Variants in NCOA1 observed in about 807,000 individuals in gnomAD.
NCOA1 encodes nuclear receptor coactivator 1, also known as Hin-2 protein.
NCOA1 carries 35 observed loss-of-function variants against 150.9 expected under a neutral mutation model. The observed-to-expected ratio is 0.23, with a 90% CI of 0.18 to 0.31. NCOA1 has a LOEUF of 0.31. Ranked by LOEUF, NCOA1 falls within the 10% of genes least tolerant of loss-of-function variation. The pLI is 1.00. For missense variants in NCOA1, 1,491 were observed against 1,749.3 expected (o/e 0.85, Z 2.63); for synonymous variants, 590 against 630.0 (o/e 0.94, Z 0.95).
At chr2:24,607,980 A>T (rs2148375079) in intron 3 of NCOA1, among the ~76,000 whole-genome samples, 1 of 152,176 alleles carries the variant, frequency 6.6e-6, no homozygotes, top group Non-Finnish European at 1.5e-5. Flanking sequence ...TATACCAAGA[A>T]CACAAAACAA....
At chr2:24,719,030 A>C (rs1407081012) in intron 14 of NCOA1, among the ~76,000 whole-genome samples, 1 of 127,136 alleles carries the variant, frequency 7.9e-6, no homozygotes, top group Non-Finnish European at 1.7e-5. Flanking sequence ...CTCTGTCCCA[A>C]AAAAAAAAAA....
In NCOA1 at chr2:24,762,376, CATAT is replaced by C. The variant is rs201929459; in HGVS notation, c.4066-307_4066-304del. ...GTGAATTAACTTTTTATTAAAGTAT[CATAT>C]ATAAGAATATAGAGAAAAGTGTACA... is the stretch of plus-strand genomic sequence containing the variant. On this transcript the variant is annotated intron_variant, in intron 21 of 22. Transcript: ENST00000348332. Among the ~76,000 whole-genome samples, 4 of 152,182 alleles carry C rather than the reference CATAT, an allele frequency of 2.6e-5. No individual in the cohort carries two copies. In the East Asian group the frequency reaches 7.7e-4, roughly 29 times the overall value.
chr2:24,706,481 A>T lies in NCOA1; in HGVS notation c.1098-87A>T, dbSNP rs1043351294. 1.3e-5 allele frequency: 18 copies of T among 1,386,628 alleles called. No individual in the cohort carries two copies. The African/African-American group carries it at 2.6e-4, about 20-fold the overall frequency. 85.9% of individuals were successfully genotyped at this position (1,386,628 alleles called of 1,614,324 possible). On this transcript the variant is annotated intron_variant, in intron 12 of 22. Transcript: ENST00000348332. ...ATAGCTTGCAATATTAATGAGATCA[A>T]TGGTCTTGTTTTAGAATATGTATCA...
At chr2:24,693,928 G>T (rs980694675) in intron 10 of NCOA1, among the ~76,000 whole-genome samples, 1 of 152,088 alleles carries the variant, frequency 6.6e-6, no homozygotes, top group Non-Finnish European at 1.5e-5. Context: ...GTCAGCAAAG[G>T]CCTGTCTGAG....
chr2:24,711,098 T>C lies in NCOA1; in HGVS notation c.2586T>C (p.Thr862=), dbSNP rs772920550. The C allele has an allele frequency of 6.2e-7, 1 of 1,613,622 alleles. No individual in the cohort carries two copies. The highest frequency in any genetic ancestry group is 1.1e-5 in the South Asian group (1 of 91,014). Residue 862 remains threonine, a synonymous_variant, in exon 14 of 23, where the codon ACT becomes ACC. Coordinates refer to ENST00000348332, the MANE Select transcript of NCOA1 (RefSeq NM_003743.5). The part of the protein sequence containing the change: ...ASLQSATARP[T]SRLNRLPELE... ...TTCAGTCCGCCACTGCCAGACCCAC[T>C]TCCAGGCTAAATAGTATGTTCTGGG...
chr2:24,559,921 G>C (rs571064297), intron 1 of NCOA1, among the ~76,000 whole-genome samples: 1 of 152,164 alleles, frequency 6.6e-6, no homozygotes, highest in Non-Finnish European at 1.5e-5. Context: ...ATTTTTGCCA[G>C]GACCTTTGGT....
intron 1 of NCOA1, among the ~76,000 whole-genome samples, chr2:24,561,630 T>C (rs2148254031): frequency 6.6e-6 from 1 of 152,284 alleles, no homozygotes; most frequent in Non-Finnish European, 1.5e-5. Flanking sequence ...AGTATGGATG[T>C]TCACTCAAAG....
intron 14 of NCOA1, among the ~76,000 whole-genome samples, chr2:24,712,501 A>G (rs539997431): frequency 1.5e-4 from 23 of 152,322 alleles, no homozygotes; most frequent in Admixed American, 3.9e-4. Flanking sequence ...CCCAGAAGAG[A>G]CAAGCCTGGC....
intron 1 of NCOA1, among the ~76,000 whole-genome samples, chr2:24,508,735 A>G (rs1663810134): frequency 6.6e-6 from 1 of 152,044 alleles, no homozygotes; most frequent in Non-Finnish European, 1.5e-5. Flanking sequence ...TGCCCTCTCT[A>G]TATCCTGTAA....
intron 9 of NCOA1, 72 bp downstream of exon 9, chr2:24,691,732 T>C (rs149209716): frequency 1.3e-6 from 2 of 1,492,954 alleles, no homozygotes; most frequent in Non-Finnish European, 1.8e-6. Context: ...AAATTAATTA[T>C]AAACTGCCTT....
intron 22 of NCOA1, among the ~76,000 whole-genome samples, chr2:24,763,606 G>GTCTC (rs201961456): frequency 7.3e-6 from 1 of 137,906 alleles, no homozygotes; most frequent in African/African-American, 2.7e-5. Flanking sequence ...TTGAACTTTG[G>GTCTC]TCTCTCTCTC....
intron 1 of NCOA1, among the ~76,000 whole-genome samples, chr2:24,559,064 A>AAGTT (rs1326048104): frequency 6.6e-6 from 1 of 152,198 alleles, no homozygotes; most frequent in Non-Finnish European, 1.5e-5. Flanking sequence ...TGTTACATAA[A>AAGTT]AGTTGAATCA....
At position 24,707,198 on chromosome 2, in the gene NCOA1, A is replaced by C. The variant is rs148648752; in HGVS notation, c.1728A>C (p.Gln576His). 4 of 1,614,212 alleles carry C rather than the reference A, an allele frequency of 2.5e-6. No individual in the cohort carries two copies. The highest frequency in any genetic ancestry group is 3.4e-6 in the Non-Finnish European group (4 of 1,180,036). Residue 576 changes from glutamine (Q) to histidine (H), a missense_variant, in exon 13 of 23, where the codon CAA (glutamine) becomes CAC (histidine). By Grantham distance (24) the Gln-to-His change is conservative. Coordinates refer to ENST00000348332, the MANE Select transcript of NCOA1 (RefSeq NM_003743.5). ...ATTCACCTAGCAGATTAAATATACAACCAGCAAAAGCTGAGTCCAAAGATA... is the reference window on the plus strand; with the variant it reads ...ATTCACCTAGCAGATTAAATATACACCCAGCAAAAGCTGAGTCCAAAGATA... Reference protein sequence around the residue: ...SQNSPSRLNIQPAKAESKDNK... With the variant: ...SQNSPSRLNIHPAKAESKDNK...
chr2:24,560,572 T>C (rs7580506), intron 1 of NCOA1, among the ~76,000 whole-genome samples: 36,943 of 152,070 alleles, frequency 0.24, 4,702 homozygotes, highest in East Asian at 0.31. Flanking sequence ...TTCCCTTTTC[T>C]CTCATCTGCG....
chr2:24,617,266 T>C (rs775035800), intron 3 of NCOA1, among the ~76,000 whole-genome samples: 2 of 152,130 alleles, frequency 1.3e-5, no homozygotes, highest in Non-Finnish European at 2.9e-5. Flanking sequence ...TCATTACCTT[T>C]GGGCACTTTT....
At chr2:24,614,199 C>CATTTTTTTTTTTTTTTTTTT (rs1668765808) in intron 3 of NCOA1, among the ~76,000 whole-genome samples, 1 of 9,158 alleles carries the variant, frequency 1.1e-4, no homozygotes. Flanking sequence ...CATTTCCATT[C>CATTTTTTTTTTTTTTTTTTT]TTTTTTTTTT....
chr2:24,524,125 G>A (rs79257110), intron 1 of NCOA1, among the ~76,000 whole-genome samples: 3,220 of 152,060 alleles, frequency 0.021, 53 homozygotes, highest in Non-Finnish European at 0.032. Context: ...TTAAATTTTA[G>A]TTTATATTGC....
At chr2:24,668,482 T>C (rs776254368) in intron 6 of NCOA1, among the ~76,000 whole-genome samples, 2 of 151,920 alleles carry the variant, frequency 1.3e-5, no homozygotes, top group Non-Finnish European at 2.9e-5. Context: ...GATTTCTAAA[T>C]AACAACATTG....
Position 24,765,614 on chromosome 2 carries a change from A to G in NCOA1, c.4156-2607A>G, listed in dbSNP as rs570430121. Among the ~76,000 whole-genome samples, 4 of 152,314 alleles carry G rather than the reference A, an allele frequency of 2.6e-5. No individual in the cohort carries two copies. The East Asian group carries it at 7.7e-4, about 29-fold the overall frequency. ...TTGACAAATTAGTTACACCCAAACA[A>G]CCATGTTTTAAAGTTCCAGAGCCCT... On this transcript the variant is annotated intron_variant, in intron 22 of 22. Transcript: ENST00000348332.
Sources: allele counts gnomAD v4.1 joint callset (sites outside exome capture counted in the v4.1 genomes callset), GRCh38; gene constraint gnomAD v4.1.1; transcripts MANE v1.5; gene names NCBI Gene and HGNC (gene_info 2026-07-23, HGNC 2026-07-21).